Variants in KCTD21 observed in about 807,000 individuals in gnomAD.
KCTD21 encodes the protein potassium channel tetramerization domain containing 21.
KCTD21 carries 9 observed loss-of-function variants against 13.2 expected under a neutral mutation model. That is an observed-to-expected ratio of 0.68 (90% confidence interval 0.41 to 1.19). The LOEUF is 1.19. Ranked by LOEUF, KCTD21 falls within the 50% of genes most tolerant of loss-of-function variation. The pLI is 0.01. For synonymous variants in KCTD21, 142 were observed against 137.4 expected, an observed-to-expected ratio of 1.03 and a Z score of -0.23; for missense variants, 303 against 336.5, an observed-to-expected ratio of 0.90 and a Z score of 0.78.
At chr11:78,178,646 G>A (rs1240633297) in intron 1 of KCTD21, among the ~76,000 whole-genome samples, 1 of 152,176 alleles carries the variant, frequency 6.6e-6, no homozygotes, top group Non-Finnish European at 1.5e-5. Flanking sequence ...AGTGAGGCAG[G>A]AGAACAAGGT....
intron 1 of KCTD21, among the ~76,000 whole-genome samples, chr11:78,177,136 C>T (rs887403549): frequency 2.6e-5 from 4 of 152,214 alleles, no homozygotes; most frequent in Non-Finnish European, 5.9e-5. Context: ...AACATTTCTG[C>T]CTCCTGAAGA....
intron 1 of KCTD21, chr11:78,188,214 A>G (rs2137013228): frequency 2.0e-6 from 2 of 981,830 alleles, no homozygotes; most frequent in Non-Finnish European, 2.4e-6. Context: ...CCAGCCCTAC[A>G]GCCCCCACTC....
chr11:78,182,226 AG>A (rs1272756320), intron 1 of KCTD21, among the ~76,000 whole-genome samples: 1 of 151,802 alleles, frequency 6.6e-6, no homozygotes, highest in Admixed American at 6.6e-5. Flanking sequence ...CAGTAGGTGG[AG>A]GTTGCAGTGA....
At chr11:78,178,715 G>A (rs1862528604) in intron 1 of KCTD21, among the ~76,000 whole-genome samples, 1 of 152,130 alleles carries the variant, frequency 6.6e-6, no homozygotes, top group East Asian at 1.9e-4. Flanking sequence ...AAAACACCAA[G>A]GTCTGGGGCA....
chr11:78,185,919 T>A, intron 1 of KCTD21, among the ~76,000 whole-genome samples: 1 of 152,150 alleles, frequency 6.6e-6, no homozygotes, highest in African/African-American at 2.4e-5. Flanking sequence ...GTGCTGTGAT[T>A]CTGCCTGGAA....
At chr11:78,186,585 C>T (rs1218540209) in intron 1 of KCTD21, 2 of 497,556 alleles carry the variant, frequency 4.0e-6, no homozygotes, top group Non-Finnish European at 5.2e-6. Flanking sequence ...ATAATAATGG[C>T]TAACGTTTAT....
At position 78,174,250 on chromosome 11, in the gene KCTD21, T is replaced by A. The variant is rs2136989484; in HGVS notation, c.305A>T (p.Glu102Val). The A allele has an allele frequency of 6.2e-7, 1 of 1,613,982 alleles. No individual in the cohort carries two copies. Among genetic ancestry groups the A allele is most frequent in the African/African-American group, 1.3e-5 (1 of 74,980 alleles). ...LIEALQEKEV[E>V]LSKAEKNAML... ...GGCATTCTTCTCGGCCTTGGAGAGC[T>A]CCACTTCCTTCTCCTGCAGGGCCTC... The change falls in exon 2 of 2, where the codon GAG (glutamate) becomes GTG (valine). Residue 102 changes from glutamate (E) to valine (V), a missense_variant. Physicochemically the swap from Glu to Val is moderately radical, Grantham distance 121. Coordinates refer to ENST00000340067, the MANE Select transcript of KCTD21 (RefSeq NM_001029859.3).
intron 1 of KCTD21, among the ~76,000 whole-genome samples, chr11:78,180,486 C>A (rs1862583120): frequency 6.6e-6 from 1 of 152,146 alleles, no homozygotes; most frequent in South Asian, 2.1e-4. Flanking sequence ...CATGGTGAAA[C>A]CCTATCTCTA....
At chr11:78,178,286 C>T (rs230659) in intron 1 of KCTD21, among the ~76,000 whole-genome samples, 42,522 of 151,914 alleles carry the variant, frequency 0.28, 6,726 homozygotes, top group Admixed American at 0.43. Context: ...CCACCAGGCC[C>T]GGCTAATTTA....
chr11:78,175,889 C>T (rs539822544), intron 1 of KCTD21, among the ~76,000 whole-genome samples: 157 of 149,094 alleles, frequency 1.1e-3, no homozygotes, highest in South Asian at 2.6e-3. Context: ...TCCCCTCCCC[C>T]TACCCCACAA....
intron 1 of KCTD21, chr11:78,177,122 TCTC>T (rs995825341): frequency 3.3e-5 from 5 of 152,182 alleles, no homozygotes; most frequent in African/African-American, 1.2e-4. Context: ...GGCGAGAACT[TCTC>T]AACATTTCTG....
intron 1 of KCTD21, among the ~76,000 whole-genome samples, chr11:78,185,964 C>A (rs552846081): frequency 1.0e-3 from 159 of 152,252 alleles, no homozygotes; most frequent in African/African-American, 3.6e-3. Flanking sequence ...TTTCCTGCCT[C>A]ATCATGAACC....
chr11:78,181,654 G>C (rs183278240), intron 1 of KCTD21, among the ~76,000 whole-genome samples: 1 of 152,038 alleles, frequency 6.6e-6, no homozygotes, highest in Non-Finnish European at 1.5e-5. Context: ...CATCTAAAAG[G>C]GTGAATTGTG....
chr11:78,175,058 C>G (rs1862407353), intron 1 of KCTD21: 1 of 152,984 alleles, frequency 6.5e-6, no homozygotes. Flanking sequence ...TGCGGTGGCT[C>G]ACACCTGTAA....
In KCTD21 at chr11:78,184,672, A is replaced by C. The variant is rs565319949; in HGVS notation, c.-30+3901T>G. On this transcript the variant is annotated intron_variant, in intron 1 of 1. Coordinates refer to ENST00000340067, the MANE Select transcript of KCTD21 (RefSeq NM_001029859.3). ...GATTAAATGAGTTGATAAAAGAGAT[A>C]TAATAGGATGCAATATGTACATCTT... Among the ~76,000 whole-genome samples the C allele has an allele frequency of 6.7e-4, 102 of 152,322 alleles. No homozygotes were observed. In the South Asian group the frequency reaches 0.019, roughly 29 times the overall value.
At chr11:78,180,867 T>C (rs1043555854) in intron 1 of KCTD21, among the ~76,000 whole-genome samples, 8 of 150,312 alleles carry the variant, frequency 5.3e-5, no homozygotes, top group African/African-American at 2.0e-4. Context: ...GATTGAATCA[T>C]TGGGGCGGTT....
intron 1 of KCTD21, chr11:78,188,118 G>A (rs1862854246): frequency 1.0e-6 from 1 of 985,376 alleles, no homozygotes; most frequent in Non-Finnish European, 1.2e-6. Flanking sequence ...TCCAGAGCGG[G>A]GCAAGTTCCC....
chr11:78,185,716 T>A (rs1443216875), intron 1 of KCTD21, among the ~76,000 whole-genome samples: 4 of 151,932 alleles, frequency 2.6e-5, no homozygotes, highest in Admixed American at 6.6e-5. Flanking sequence ...CTCAGCCTCC[T>A]GAGTAGCTGG....
At chr11:78,188,120 C>G (rs1331322642) in intron 1 of KCTD21, 1 of 985,310 alleles carries the variant, frequency 1.0e-6, no homozygotes, top group African/African-American at 1.7e-5. Context: ...CAGAGCGGGG[C>G]AAGTTCCCTG....
Sources: allele counts gnomAD v4.1 joint callset (sites outside exome capture counted in the v4.1 genomes callset), GRCh38; gene constraint gnomAD v4.1.1; transcripts MANE v1.5; gene names NCBI Gene and HGNC (gene_info 2026-07-23, HGNC 2026-07-21).